HPSE2: variants seen among roughly 807,000 people sequenced by gnomAD.
HPSE2 encodes the protein heparanase 2 (inactive).
Under a neutral mutation model 60.5 loss-of-function variants are expected in HPSE2, and 38 were observed. The observed-to-expected ratio is 0.63, with a 90% confidence interval of 0.48 to 0.82. The LOEUF is 0.82. Ranked by LOEUF, HPSE2 falls within the 40% of genes least tolerant of loss-of-function variation. HPSE2 has a pLI of 0.00. For synonymous variants in HPSE2, 295 were observed against 293.2 expected (o/e 1.01, Z -0.06); for missense variants, 713 against 740.4 (o/e 0.96, Z 0.43).
chr10:98,686,267 A>C (rs1947913252), intron 6 of HPSE2, among the ~76,000 whole-genome samples: 1 of 152,160 alleles, frequency 6.6e-6, no homozygotes, highest in South Asian at 2.1e-4. Context: ...TTCTTTTCTC[A>C]CATAAGCATA....
chr10:98,645,817 A>G (rs1435529357), intron 6 of HPSE2, among the ~76,000 whole-genome samples: 1 of 151,998 alleles, frequency 6.6e-6, no homozygotes, highest in Non-Finnish European at 1.5e-5. Flanking sequence ...TCTCTACTAA[A>G]AATACAATTA....
chr10:98,943,134 T>G (rs1955067323), intron 3 of HPSE2, among the ~76,000 whole-genome samples: 3 of 149,234 alleles, frequency 2.0e-5, no homozygotes, highest in South Asian at 2.2e-4. Context: ...TAATGCTAAA[T>G]GACGAGTTGG....
intron 2 of HPSE2, among the ~76,000 whole-genome samples, chr10:99,227,869 A>ATGTG (rs34836739): frequency 9.1e-5 from 13 of 142,390 alleles, no homozygotes; most frequent in African/African-American, 2.0e-4. Context: ...ATGTGTATAT[A>ATGTG]TGTGTGTGTG....
rs1023785299 is a variant in HPSE2, at chr10:98,802,637, A to G, written c.611-58581T>C. ...TTTCCAATTTCATCCATGTCCCTAC[A>G]AAGGACATGCACTCATCATATTTTA... is the stretch of plus-strand genomic sequence containing the variant. On this transcript the variant is annotated intron_variant, in intron 3 of 11. Transcript: ENST00000370552. Among the ~76,000 whole-genome samples the G allele has an allele frequency of 1.3e-4, 20 of 151,996 alleles. No homozygotes were observed. In the South Asian group the frequency reaches 2.9e-3, roughly 22 times the overall value.
intron 9 of HPSE2, among the ~76,000 whole-genome samples, chr10:98,574,656 C>T (rs1944592984): frequency 6.6e-6 from 1 of 151,290 alleles, no homozygotes; most frequent in African/African-American, 2.4e-5. Flanking sequence ...TGAAGCAAAG[C>T]CCAGGGAGCA....
intron 3 of HPSE2, among the ~76,000 whole-genome samples, chr10:98,980,566 C>T (rs1956182787): frequency 6.6e-6 from 1 of 152,106 alleles, no homozygotes; most frequent in African/African-American, 2.4e-5. Flanking sequence ...TGGCTTTTGC[C>T]TTATTTGAAC....
chr10:98,512,961 T>A (rs990315680), intron 9 of HPSE2, among the ~76,000 whole-genome samples: 2 of 152,360 alleles, frequency 1.3e-5, no homozygotes, highest in African/African-American at 4.8e-5. Context: ...TCATATGTTC[T>A]CACAGAACCA....
At chr10:99,042,300 G>T (rs1957757787) in intron 3 of HPSE2, among the ~76,000 whole-genome samples, 1 of 152,058 alleles carries the variant, frequency 6.6e-6, no homozygotes, top group Middle Eastern at 3.4e-3. Flanking sequence ...GCCAGACAAG[G>T]CGTCCCTGGC....
intron 2 of HPSE2, among the ~76,000 whole-genome samples, chr10:99,182,283 C>T (rs1847807461): frequency 6.6e-6 from 1 of 152,152 alleles, no homozygotes; most frequent in African/African-American, 2.4e-5. Flanking sequence ...GGTCAGAGGC[C>T]AACTAATCAC....
chr10:99,280,242 A>G, the HPSE2 span, among the ~76,000 whole-genome samples: 1 of 152,230 alleles, frequency 6.6e-6, no homozygotes, highest in Non-Finnish European at 1.5e-5. Flanking sequence ...TGAAAGGTCT[A>G]TTAGAGGGTC....
chr10:99,198,592 T>C (rs1468088384), intron 2 of HPSE2, among the ~76,000 whole-genome samples: 1 of 152,154 alleles, frequency 6.6e-6, no homozygotes, highest in Non-Finnish European at 1.5e-5. Flanking sequence ...GACCTAACTA[T>C]AGGTAAGACT....
At position 98,795,051 on chromosome 10, in the gene HPSE2, G is replaced by GGAAGGAAGGAAGGAAA. The variant is rs1565167930; in HGVS notation, c.611-51011_611-50996dup. ...AGGAAGGAAGGAAGGAAGGAAGGAA[G>GGAAGGAAGGAAGGAAA]GAAGGAAGGAAGGAAAGAAGGAAGG... is the stretch of plus-strand genomic sequence containing the variant. On this transcript the variant is annotated intron_variant, in intron 3 of 11. Coordinates refer to ENST00000370552, the MANE Select transcript of HPSE2 (RefSeq NM_021828.5). 2.3e-3 allele frequency among the ~76,000 whole-genome samples: 337 copies of GGAAGGAAGGAAGGAAA among 145,586 alleles called. 8 individuals are homozygous for GGAAGGAAGGAAGGAAA. The highest frequency in any genetic ancestry group is 8.1e-3 in the African/African-American group (310 of 38,058).
chr10:99,087,794 A>G (rs952214130), intron 3 of HPSE2, among the ~76,000 whole-genome samples: 1 of 152,196 alleles, frequency 6.6e-6, no homozygotes. Flanking sequence ...TAATTTTAAA[A>G]ACAGGAAGTT....
At chr10:99,254,245 A>T in the HPSE2 span, among the ~76,000 whole-genome samples, 1 of 152,196 alleles carries the variant, frequency 6.6e-6, no homozygotes, top group African/African-American at 2.4e-5. Flanking sequence ...AAGAAAACAA[A>T]ATCACATCCA....
At chr10:98,738,091 G>A (rs1034119007) in intron 4 of HPSE2, among the ~76,000 whole-genome samples, 2 of 152,064 alleles carry the variant, frequency 1.3e-5, no homozygotes, top group East Asian at 3.9e-4. Context: ...ATACTACAAG[G>A]CTACAGTAAC....
At chr10:98,513,969 TTATTCACA>T (rs1942506151) in intron 9 of HPSE2, among the ~76,000 whole-genome samples, 1 of 152,146 alleles carries the variant, frequency 6.6e-6, no homozygotes, top group Admixed American at 6.6e-5. Context: ...CACAGCAGCA[TTATTCACA>T]ATAGTCAAAA....
At chr10:99,242,596 C>A in the HPSE2 span, among the ~76,000 whole-genome samples, 1 of 152,168 alleles carries the variant, frequency 6.6e-6, no homozygotes, top group Admixed American at 6.5e-5. Context: ...AGTGAAGAAC[C>A]TATCTTTTAC....
intron 10 of HPSE2, among the ~76,000 whole-genome samples, chr10:98,489,724 C>T (rs74156620): frequency 0.024 from 3,616 of 152,226 alleles, 162 homozygotes; most frequent in African/African-American, 0.081. Context: ...AGCTTAGGCA[C>T]ACAAAAAAGC....
intron 9 of HPSE2, among the ~76,000 whole-genome samples, chr10:98,598,635 T>G (rs1238055261): frequency 1.3e-5 from 2 of 152,050 alleles, no homozygotes; most frequent in Admixed American, 1.3e-4. Context: ...CCACAGCAAC[T>G]GACCTGGTGC....
Sources: gnomAD v4.1 joint callset for allele counts (sites outside exome capture counted in the v4.1 genomes callset) on GRCh38, gnomAD v4.1.1 for gene constraint, MANE v1.5 for transcripts, NCBI Gene and HGNC (gene_info 2026-07-23, HGNC 2026-07-21) for gene names.